Variants in RP1 observed in about 807,000 individuals in gnomAD.
The protein encoded by RP1 is oxygen-regulated protein 1.
In RP1, 16 loss-of-function variants were observed where a neutral mutation model predicts 14.8. That is an observed-to-expected ratio of 1.08 (90% confidence interval 0.73 to 1.65). The LOEUF is 1.65. Ranked by LOEUF, RP1 falls within the 40% of genes most tolerant of loss-of-function variation. The probability of loss-of-function intolerance (pLI) is 0.00; values close to 1 mark genes in which losing one functional copy is unlikely to be tolerated. For synonymous variants in RP1, 876 were observed against 883.6 expected (o/e 0.99, Z 0.15); for missense variants, 2,631 against 2,535.0 (o/e 1.04, Z -0.81).
At position 54,630,303 on chromosome 8, in the gene RP1, A is replaced by C. The variant is rs907744519; in HGVS notation, c.6421A>C (p.Ile2141Leu). Reference protein sequence around the residue: ...ENLFIWEEEDILNLTDLESSR... With the variant: ...ENLFIWEEEDLLNLTDLESSR... ...TCTTTTCATTTGGGAAGAGGAAGAC[A>C]TATTAAATTTAACTGATCTTGAAAG... Residue 2141 changes from isoleucine (I) to leucine (L), a missense_variant, in exon 4 of 4, where the codon ATA becomes CTA. Ile to Leu is a conservative substitution (Grantham distance 5). Transcript: ENST00000220676. The C allele has an allele frequency of 3.7e-6, 6 of 1,613,764 alleles. No homozygotes were observed. The East Asian group carries it at 1.3e-4, about 36-fold the overall frequency.
At chr8:54,642,662 G>T (rs1356565919) in intron 3 of RP1, among the ~76,000 whole-genome samples, 3 of 152,116 alleles carry the variant, frequency 2.0e-5, no homozygotes, top group Non-Finnish European at 1.5e-5. Flanking sequence ...TAGATAAGGA[G>T]ACTTTTGAAG....
intron 25 of RP1, among the ~76,000 whole-genome samples, chr8:54,838,856 C>A (rs923853230): frequency 5.9e-5 from 9 of 152,198 alleles, no homozygotes; most frequent in Non-Finnish European, 1.2e-4. Flanking sequence ...CTGTGTCATG[C>A]AAGCTACTTA....
Position 54,629,097 on chromosome 8 carries a change from G to T in RP1, c.5215G>T (p.Val1739Leu). The T allele has an allele frequency of 6.2e-7, 1 of 1,614,112 alleles. No homozygotes were observed. The highest frequency in any genetic ancestry group is 8.5e-7 in the Non-Finnish European group (1 of 1,179,966). The change falls in exon 4 of 4, where the codon GTA becomes TTA. Residue 1739 changes from valine (V) to leucine (L), a missense_variant. Physicochemically the swap from Val to Leu is conservative, Grantham distance 32. Transcript: ENST00000220676. Reference protein sequence around the residue: ...SRILTDIEEGVLIDKGKWLLK... With the variant: ...SRILTDIEEGLLIDKGKWLLK... ...AATCCTCACAGACATAGAGGAAGGA[G>T]TACTGATTGACAAAGGCAAATGGCT... is the stretch of plus-strand genomic sequence containing the variant.
chr8:54,628,068 T>G lies in RP1; in HGVS notation c.4186T>G (p.Leu1396Val). 1.2e-6 allele frequency: 2 copies of G among 1,614,058 alleles called. No homozygotes were observed. Among genetic ancestry groups the G allele is most frequent in the Non-Finnish European group, 1.7e-6 (2 of 1,179,946 alleles). The change falls in exon 4 of 4, where the codon TTA becomes GTA. Residue 1396 changes from leucine (L) to valine (V), a missense_variant. Coordinates refer to ENST00000220676, the MANE Select transcript of RP1 (RefSeq NM_006269.2). ...GGTGTCACATCAAAATGTCAGTAATTTAAGCTCCTGTGGCCTTTGCCTAAG... is the reference window on the plus strand; with the variant it reads ...GGTGTCACATCAAAATGTCAGTAATGTAAGCTCCTGTGGCCTTTGCCTAAG... ...TLVSHQNVSN[L>V]SSCGLCLSEK...
chr8:54,581,444 T>C (rs1237432593), intron 1 of RP1, among the ~76,000 whole-genome samples: 1 of 152,230 alleles, frequency 6.6e-6, no homozygotes, highest in Non-Finnish European at 1.5e-5. Context: ...TTTGCTATTG[T>C]GAATAGTGCC....
rs189652438 is a variant in RP1, at chr8:54,651,882, T to C, written c.952-898T>C. On this transcript the variant is annotated intron_variant, in intron 4 of 22. Coordinates refer to the RP1 transcript ENST00000636932. ...AGGTGTATATAGCTATAAATTTCCC[T>C]CAGAGCTCTGCTTTTTCCATATTTT... Among the ~76,000 whole-genome samples, 114 of 152,282 alleles carry C rather than the reference T, an allele frequency of 7.5e-4. 1 individual carries two copies. Among genetic ancestry groups the C allele is most frequent in the African/African-American group, 2.6e-3 (110 of 41,580 alleles).
chr8:54,843,289 C>T, intron 25 of RP1, among the ~76,000 whole-genome samples: 1 of 152,104 alleles, frequency 6.6e-6, no homozygotes, highest in East Asian at 1.9e-4. Context: ...GCCACGTTGG[C>T]CAGGCTGGTC....
chr8:54,652,637 CTTGTT>C, intron 4 of RP1: 1 of 620,142 alleles, frequency 1.6e-6, no homozygotes, highest in Non-Finnish European at 2.9e-6. Flanking sequence ...TTAGTACTCT[CTTGTT>C]AGGTGTGCAC....
chr8:54,635,456 A>C (rs181182921), downstream of RP1, among the ~76,000 whole-genome samples: 153 of 152,354 alleles, frequency 1.0e-3, no homozygotes, highest in African/African-American at 3.6e-3. Flanking sequence ...CTTGTACATC[A>C]CAGGAATTCA....
At chr8:54,820,210 A>G (rs1811223124) in intron 24 of RP1, among the ~76,000 whole-genome samples, 1 of 151,916 alleles carries the variant, frequency 6.6e-6, no homozygotes, top group South Asian at 2.1e-4. Flanking sequence ...CCTTTCCCCA[A>G]GCAGTGGAGT....
intron 19 of RP1, among the ~76,000 whole-genome samples, chr8:54,750,674 A>AAAATGCACCAATTAGTGCTCTGTG (rs1585660347): frequency 6.6e-6 from 1 of 152,270 alleles, no homozygotes; most frequent in East Asian, 1.9e-4. Flanking sequence ...AGTGCTCTGT[A>AAAATGCACCAATTAGTGCTCTGTG]GCTAGCAAGG....
In RP1 at chr8:54,626,800, A is replaced by T; in HGVS notation, c.2918A>T (p.Lys973Met). ...AGTAATTTTGTTATGGAAAGTAATAAGCACATAACTAAAATTGCCGGTTTG... is the reference window on the plus strand; with the variant it reads ...AGTAATTTTGTTATGGAAAGTAATATGCACATAACTAAAATTGCCGGTTTG... ...KISNFVMESN[K>M]HITKIAGLTG... Residue 973 changes from lysine to methionine, a missense_variant, in exon 4 of 4, where the codon AAG (lysine) becomes ATG (methionine). Transcript: ENST00000220676. 6.2e-7 allele frequency: 1 copy of T among 1,613,802 alleles called. No individual in the cohort carries two copies. The highest frequency in any genetic ancestry group is 8.5e-7 in the Non-Finnish European group (1 of 1,179,904).
intron 1 of RP1, among the ~76,000 whole-genome samples, chr8:54,596,045 A>G (rs1805137852): frequency 6.6e-6 from 1 of 152,232 alleles, no homozygotes; most frequent in Non-Finnish European, 1.5e-5. Context: ...ATAATGATAC[A>G]TTGTAATTTA....
At chr8:54,576,607 T>C (rs7820345) in intron 1 of RP1, among the ~76,000 whole-genome samples, 33,792 of 152,214 alleles carry the variant, frequency 0.22, 3,966 homozygotes, top group East Asian at 0.36. Flanking sequence ...CTGTGGGTTC[T>C]CATTTTAATT....
intron 14 of RP1, among the ~76,000 whole-genome samples, chr8:54,704,073 G>T (rs1015017364): frequency 2.0e-5 from 3 of 152,182 alleles, no homozygotes; most frequent in African/African-American, 7.2e-5. Flanking sequence ...TATTATTCAT[G>T]TGTTCACTGG....
intron 6 of RP1, among the ~76,000 whole-genome samples, chr8:54,661,310 T>TCAATG (rs375686015): frequency 6.2e-5 from 1 of 16,214 alleles, no homozygotes; most frequent in Non-Finnish European, 1.3e-4. Context: ...ATATGAGATA[T>TCAATG]ATATATATAT....
intron 4 of RP1, among the ~76,000 whole-genome samples, chr8:54,652,011 C>T (rs1009992001): frequency 6.8e-6 from 1 of 146,322 alleles, no homozygotes; most frequent in Admixed American, 6.8e-5. Flanking sequence ...TTAATTTACA[C>T]TTTTTTTTTT....
chr8:54,856,181 C>G (rs774074187), intron 26 of RP1, among the ~76,000 whole-genome samples: 2 of 152,180 alleles, frequency 1.3e-5, no homozygotes, highest in African/African-American at 4.8e-5. Flanking sequence ...TTGAATGACA[C>G]AAGCCAGGTG....
At chr8:54,751,882 G>A (rs1809380368) in intron 19 of RP1, among the ~76,000 whole-genome samples, 1 of 152,218 alleles carries the variant, frequency 6.6e-6, no homozygotes, top group Non-Finnish European at 1.5e-5. Context: ...AGCCCTCACT[G>A]TGGAGGCTTT....
Sources: allele counts gnomAD v4.1 joint callset (sites outside exome capture counted in the v4.1 genomes callset), GRCh38; gene constraint gnomAD v4.1.1; transcripts MANE v1.5; gene names NCBI Gene and HGNC (gene_info 2026-07-23, HGNC 2026-07-21).